Variants in ROBO1 observed in about 807,000 individuals in gnomAD.
ROBO1 encodes roundabout homolog 1.
In ROBO1, 149 loss-of-function variants were observed where a neutral mutation model predicts 195.9. The ratio of observed to expected loss-of-function variants is 0.76; its 90% confidence interval spans 0.67 to 0.87. The LOEUF (loss-of-function observed/expected upper bound fraction) is 0.87. Ranked by LOEUF, ROBO1 falls within the 40% of genes least tolerant of loss-of-function variation. ROBO1 has a pLI of 0.00. For synonymous variants in ROBO1, 816 were observed against 733.2 expected (o/e 1.11, Z -1.82); for missense variants, 1,933 against 2,068.3 (o/e 0.93, Z 1.27).
At chr3:79,449,408 G>A (rs558257042) in intron 2 of ROBO1, among the ~76,000 whole-genome samples, 66 of 151,760 alleles carry the variant, frequency 4.3e-4, no homozygotes, top group African/African-American at 1.5e-3. Flanking sequence ...CATTTCACTA[G>A]GGGAAAAAAT....
chr3:78,622,511 A>G (rs974596428), intron 26 of ROBO1, among the ~76,000 whole-genome samples: 2 of 152,206 alleles, frequency 1.3e-5, no homozygotes, highest in Non-Finnish European at 1.5e-5. Context: ...AGGTAAACAT[A>G]CTTAATGTAA....
At chr3:79,587,109 G>C (rs1943854189) in intron 2 of ROBO1, among the ~76,000 whole-genome samples, 1 of 151,470 alleles carries the variant, frequency 6.6e-6, no homozygotes, top group Non-Finnish European at 1.5e-5. Flanking sequence ...AGTATTCCTT[G>C]ATTTACTAAA....
Position 79,750,162 on chromosome 3 carries a change from A to G in ROBO1, c.-51+17590T>C, listed in dbSNP as rs140783165. 1.4e-3 allele frequency among the ~76,000 whole-genome samples: 215 copies of G among 152,322 alleles called. 2 individuals are homozygous for G. The highest frequency in any genetic ancestry group is 0.014 in the Middle Eastern group (4 of 294). On this transcript the variant is annotated intron_variant, in intron 1 of 30. Coordinates refer to ENST00000464233, the MANE Select transcript of ROBO1 (RefSeq NM_002941.4). ...TCAAAGGAGATCATTTTGGAGCTTT[A>G]AGGTTCTACTACTCTGCTGGATTTC...
At chr3:78,923,273 T>G (rs1315699632) in intron 4 of ROBO1, among the ~76,000 whole-genome samples, 1 of 152,112 alleles carries the variant, frequency 6.6e-6, no homozygotes, top group African/African-American at 2.4e-5. Flanking sequence ...TTATTAGGAG[T>G]TACAAGGTCC....
Position 79,617,666 on chromosome 3 carries a change from G to A in ROBO1, c.-50-27705C>T, listed in dbSNP as rs77901316. 5.4e-3 allele frequency among the ~76,000 whole-genome samples: 821 copies of A among 151,866 alleles called. 5 individuals carry two copies. The highest frequency in any genetic ancestry group is 0.019 in the African/African-American group (776 of 41,448). ...TTACAGTACAAAAACACAGTGATTC[G>A]CCACTCCCAAAGGATCACACTCTCT... On this transcript the variant is annotated intron_variant, in intron 1 of 30. Transcript: ENST00000464233.
At chr3:79,277,041 C>G (rs896343293) in intron 2 of ROBO1, among the ~76,000 whole-genome samples, 2 of 151,952 alleles carry the variant, frequency 1.3e-5, no homozygotes, top group East Asian at 3.9e-4. Flanking sequence ...AGTGCAACCA[C>G]TATGGAGAAA....
intron 3 of ROBO1, among the ~76,000 whole-genome samples, chr3:79,104,782 G>A (rs574294698): frequency 3.6e-4 from 54 of 151,596 alleles, no homozygotes; most frequent in Non-Finnish European, 3.1e-4. Context: ...CTGTCCCCTC[G>A]CCCTATCTTA....
At chr3:79,606,649 G>T (rs1021947267) in intron 1 of ROBO1, among the ~76,000 whole-genome samples, 7 of 151,816 alleles carry the variant, frequency 4.6e-5, no homozygotes, top group African/African-American at 1.7e-4. Flanking sequence ...CTCCTGGACA[G>T]CCTTATTTAT....
intron 1 of ROBO1, among the ~76,000 whole-genome samples, chr3:79,660,294 A>G (rs572546215): frequency 5.9e-5 from 9 of 151,922 alleles, no homozygotes; most frequent in Admixed American, 2.0e-4. Context: ...ATGCCAGCTC[A>G]AAGGCTATAC....
intron 1 of ROBO1, among the ~76,000 whole-genome samples, chr3:79,685,095 A>T (rs1475551713): frequency 6.6e-6 from 1 of 152,124 alleles, no homozygotes; most frequent in African/African-American, 2.4e-5. Context: ...GACTTTCTAA[A>T]CCAATTGTGT....
chr3:78,667,853 T>C lies in ROBO1; in HGVS notation c.1966+30A>G, dbSNP rs776585999. On this transcript the variant is annotated intron_variant, in intron 14 of 30. Transcript: ENST00000464233. ...ATTATAACATCTAAGGATAAGTAGG[T>C]GTCACAGGTTTAAGTAAATCAATAT... 4 of 1,598,196 alleles carry C rather than the reference T, an allele frequency of 2.5e-6. No individual in the cohort carries two copies. In the African/African-American group the frequency reaches 5.4e-5, roughly 21 times the overall value.
chr3:79,038,588 T>G (rs1427028886), intron 3 of ROBO1, among the ~76,000 whole-genome samples: 1 of 152,034 alleles, frequency 6.6e-6, no homozygotes, highest in Non-Finnish European at 1.5e-5. Context: ...GATTTTGTAA[T>G]TTTTTTCCTC....
chr3:78,628,467 T>C (rs908735283), intron 25 of ROBO1, among the ~76,000 whole-genome samples: 5 of 152,106 alleles, frequency 3.3e-5, no homozygotes, highest in Non-Finnish European at 7.4e-5. Context: ...CTGCTGGAGA[T>C]GGGTGGGAAG....
At chr3:79,502,567 C>T (rs1187879152) in intron 2 of ROBO1, among the ~76,000 whole-genome samples, 1 of 152,144 alleles carries the variant, frequency 6.6e-6, no homozygotes, top group African/African-American at 2.4e-5. Context: ...TGCTCCACAG[C>T]TCCCAGTCCC....
chr3:78,678,178 T>G (rs1373597057), intron 10 of ROBO1, among the ~76,000 whole-genome samples: 1 of 151,902 alleles, frequency 6.6e-6, no homozygotes, highest in Non-Finnish European at 1.5e-5. Context: ...CAAAGCAGTG[T>G]GTAGAGGGAA....
intron 4 of ROBO1, among the ~76,000 whole-genome samples, chr3:78,815,706 C>T (rs1328899793): frequency 6.6e-6 from 1 of 152,106 alleles, no homozygotes; most frequent in African/African-American, 2.4e-5. Flanking sequence ...CTTTGCTCAT[C>T]CATAAGAAGC....
intron 5 of ROBO1, among the ~76,000 whole-genome samples, chr3:78,745,082 G>C (rs2082624237): frequency 6.6e-6 from 1 of 152,046 alleles, no homozygotes; most frequent in Non-Finnish European, 1.5e-5. Flanking sequence ...GGTCAAGGCA[G>C]GCATATCATG....
rs532349275 is a variant in ROBO1 at position 78,706,173 on chromosome 3, C to T, written c.1045+8224G>A. Among the ~76,000 whole-genome samples, 123 of 152,032 alleles carry T rather than the reference C, an allele frequency of 8.1e-4. 1 individual carries two copies. Among genetic ancestry groups the T allele is most frequent in the African/African-American group, 2.6e-3 (107 of 41,482 alleles). On this transcript the variant is annotated intron_variant, in intron 8 of 30. Coordinates refer to ENST00000464233, the MANE Select transcript of ROBO1 (RefSeq NM_002941.4). ...ACTCGGATGGGGAGTGTCTGAAAAG[C>T]TTGCTGGAGGATGCTTATGTGAATC...
intron 3 of ROBO1, among the ~76,000 whole-genome samples, chr3:78,948,950 C>T (rs946673327): frequency 6.6e-6 from 1 of 151,536 alleles, no homozygotes; most frequent in Admixed American, 6.6e-5. Flanking sequence ...ATCCAACTTA[C>T]AAGGGATGTG....
Sources: gnomAD v4.1 joint callset for allele counts (sites outside exome capture counted in the v4.1 genomes callset) on GRCh38, gnomAD v4.1.1 for gene constraint, MANE v1.5 for transcripts, NCBI Gene and HGNC (gene_info 2026-07-23, HGNC 2026-07-21) for gene names.